EFEMP1: variants seen among roughly 807,000 people sequenced by gnomAD.
EFEMP1 encodes the protein EGF-containing fibulin-like extracellular matrix protein 1.
Under a neutral mutation model 65.7 loss-of-function variants are expected in EFEMP1, and 18 were observed. That is an observed-to-expected ratio of 0.27 (90% CI 0.19 to 0.41). EFEMP1 has a LOEUF of 0.41. Ranked by LOEUF, EFEMP1 falls within the 10% of genes least tolerant of loss-of-function variation. The pLI is 1.00. For synonymous variants in EFEMP1, 237 were observed against 219.7 expected, an observed-to-expected ratio of 1.08 and a Z score of -0.70; for missense variants, 469 against 624.8, an observed-to-expected ratio of 0.75 and a Z score of 2.66.
intron 5 of EFEMP1, among the ~76,000 whole-genome samples, chr2:55,892,820 G>A (rs1278683003): frequency 1.3e-5 from 2 of 151,994 alleles, no homozygotes; most frequent in Non-Finnish European, 2.9e-5. Context: ...GAATTTCTTG[G>A]CATGAATAAA....
In EFEMP1 at chr2:55,918,224, C is replaced by T. The variant is rs775356398; in HGVS notation, c.125G>A (p.Cys42Tyr). Reference sequence around the variant, plus strand: ...AGTCTTTGAAGCTGGCTCACCTTTGCATTGCTGTCTCACAGGATCCCACTC... The same window carrying T: ...AGTCTTTGAAGCTGGCTCACCTTTGTATTGCTGTCTCACAGGATCCCACTC... Reference protein sequence around the residue: ...GYEWDPVRQQCKDIDECDIVP... With the variant: ...GYEWDPVRQQYKDIDECDIVP... Residue 42 changes from cysteine to tyrosine, a missense_variant, in exon 4 of 12, where the codon TGC (cysteine) becomes TAC (tyrosine). Coordinates refer to ENST00000355426, the MANE Select transcript of EFEMP1 (RefSeq NM_001039348.3). 4 of 1,614,208 alleles carry T rather than the reference C, an allele frequency of 2.5e-6. No homozygotes were observed. The highest frequency in any genetic ancestry group is 3.4e-6 in the Non-Finnish European group (4 of 1,180,042).
At chr2:55,920,142 C>T (rs1053710192) in intron 3 of EFEMP1, among the ~76,000 whole-genome samples, 15 of 152,170 alleles carry the variant, frequency 9.9e-5, no homozygotes, top group African/African-American at 3.6e-4. Flanking sequence ...GCTTTCAGCT[C>T]TAGCTTTTGA....
chr2:55,878,325 A>C (rs751866065), intron 6 of EFEMP1, among the ~76,000 whole-genome samples: 3 of 152,180 alleles, frequency 2.0e-5, no homozygotes, highest in Non-Finnish European at 4.4e-5. Flanking sequence ...TAAGATGTGG[A>C]TAGCAAGGCT....
chr2:55,879,405 C>A (rs570884575), intron 6 of EFEMP1, among the ~76,000 whole-genome samples: 3 of 152,182 alleles, frequency 2.0e-5, no homozygotes, highest in Admixed American at 1.3e-4. Flanking sequence ...AATAGCTCCA[C>A]GAGGGCTATG....
intron 5 of EFEMP1, among the ~76,000 whole-genome samples, chr2:55,908,014 A>C (rs1484245965): frequency 3.3e-5 from 5 of 152,100 alleles, no homozygotes; most frequent in Non-Finnish European, 5.9e-5. Context: ...AACAGTTCTC[A>C]ATGGGCTCTC....
Position 55,885,321 on chromosome 2 carries a change from G to A in EFEMP1, c.518-3587C>T, listed in dbSNP as rs900624502. Among the ~76,000 whole-genome samples, 6 of 152,172 alleles carry A rather than the reference G, an allele frequency of 3.9e-5. No homozygotes were observed. Among genetic ancestry groups the A allele is most frequent in the African/African-American group, 9.7e-5 (4 of 41,440 alleles). On this transcript the variant is annotated intron_variant, in intron 5 of 11. Coordinates refer to ENST00000355426, the MANE Select transcript of EFEMP1 (RefSeq NM_001039348.3). This position sits in a 1 kb window ranked among gnomAD's most constrained non-coding sequence, Gnocchi z 4.3. ...GACAGATGGCGTCAGCACAGCTGCCGGGGCTCTGTGTGAGGAGCCTGGTGC... is the reference window on the plus strand; with the variant it reads ...GACAGATGGCGTCAGCACAGCTGCCAGGGCTCTGTGTGAGGAGCCTGGTGC...
In EFEMP1 at chr2:55,923,731, C is replaced by T. The variant is rs1312306542; in HGVS notation, c.-69G>A. 2 of 985,766 alleles carry T rather than the reference C, an allele frequency of 2.0e-6. No individual in the cohort carries two copies. Among genetic ancestry groups the T allele is most frequent in the South Asian group, 9.4e-5 (2 of 21,296 alleles). The allele number at this position is 985,766 out of a possible 1,614,324, so 61.1% of individuals were successfully genotyped here. On this transcript the variant is annotated 5_prime_UTR_variant, in exon 1 of 12. Coordinates refer to ENST00000355426, the MANE Select transcript of EFEMP1 (RefSeq NM_001039348.3). This position sits in a 1 kb window ranked among gnomAD's most constrained non-coding sequence, Gnocchi z 5.3. ...CCTACCTGTGCGGCCGCGCTGCGCT[C>T]CGGGCCCGGGCAGCGAGGGGAGTGC...
intron 3 of EFEMP1, among the ~76,000 whole-genome samples, chr2:55,920,616 G>A (rs915919792): frequency 3.9e-5 from 6 of 152,244 alleles, no homozygotes; most frequent in Admixed American, 1.3e-4. Flanking sequence ...AAATAGAGAA[G>A]ACTTGCAATT....
In EFEMP1 at chr2:55,921,814, C is replaced by G. The variant is rs755513944; in HGVS notation, c.81+546G>C. On this transcript the variant is annotated intron_variant, in intron 3 of 11. Transcript: ENST00000355426. The surrounding 1 kb of genome is among the most constrained non-coding windows in gnomAD (Gnocchi z 4.1). Reference sequence around the variant, plus strand: ...CTTTAGCCAATATGCATCCTGGTAACACATAAACTGTTGTCTGCCTTTATT... The same window carrying G: ...CTTTAGCCAATATGCATCCTGGTAAGACATAAACTGTTGTCTGCCTTTATT... 1 of 163,598 alleles carries G rather than the reference C, an allele frequency of 6.1e-6. No homozygotes were observed. The highest frequency in any genetic ancestry group is 2.4e-5 in the African/African-American group (1 of 41,664). The allele number at this position is 163,598 out of a possible 1,614,324, so 10.1% of individuals were successfully genotyped here. A position where few individuals can be genotyped will look rare whatever the true frequency, so the allele number is the denominator to read the frequency against.
rs1454053238 is a variant in EFEMP1 at position 55,877,860 on chromosome 2, C to T, written c.646G>A (p.Asp216Asn). 1 of 1,612,930 alleles carries T rather than the reference C, an allele frequency of 6.2e-7. No individual in the cohort carries two copies. Among genetic ancestry groups the T allele is most frequent in the South Asian group, 1.1e-5 (1 of 91,064 alleles). Residue 216 changes from aspartate (D) to asparagine (N), a missense_variant, in exon 7 of 12, where the codon GAT (aspartate) becomes AAT (asparagine). Asp to Asn is a conservative substitution (Grantham distance 23). This residue lies in a region of EFEMP1 where 399 missense variants were observed against 528.2 expected (regional missense o/e 0.76). Coordinates refer to ENST00000355426, the MANE Select transcript of EFEMP1 (RefSeq NM_001039348.3). This position sits in a 1 kb window ranked among gnomAD's most constrained non-coding sequence, Gnocchi z 4.5. ...QKRGEQCVDI[D>N]ECTIPPYCHQ... ...CAATATGGAGGGATGGTACATTCAT[C>T]TATGTCTAGGTTATCAGGCACACAC... is the stretch of plus-strand genomic sequence containing the variant.
At chr2:55,876,843 C>A in intron 7 of EFEMP1, 101 bp from the exon 8 acceptor site, 1 of 630,210 alleles carries the variant, frequency 1.6e-6, no homozygotes, top group Non-Finnish European at 2.3e-6. Flanking sequence ...GTACCTACGT[C>A]ATCTGCTGAC....
At chr2:55,881,844 A>G in intron 5 of EFEMP1, 110 bp from the exon 6 acceptor site, 5 of 1,366,996 alleles carry the variant, frequency 3.7e-6, no homozygotes, top group East Asian at 2.3e-5. Context: ...AAAAGTTTAT[A>G]ATGTTCTTGC....
chr2:55,882,800 G>A (rs1201119806), intron 5 of EFEMP1, among the ~76,000 whole-genome samples: 3 of 152,032 alleles, frequency 2.0e-5, no homozygotes, highest in Non-Finnish European at 4.4e-5. Flanking sequence ...CTACCACAGT[G>A]ATGATTTAAG....
At position 55,867,708 on chromosome 2, in the gene EFEMP1, C is replaced by T. The variant is rs1002038343; in HGVS notation, c.1321-474G>A. 7.9e-5 allele frequency among the ~76,000 whole-genome samples: 12 copies of T among 151,748 alleles called. No homozygotes were observed. Among genetic ancestry groups the T allele is most frequent in the African/African-American group, 2.2e-4 (9 of 41,264 alleles). ...AAGATATATGAGGTTATGCAGGGTACGTATGAAGATACATAAAGGTGTATG... is the reference window on the plus strand; with the variant it reads ...AAGATATATGAGGTTATGCAGGGTATGTATGAAGATACATAAAGGTGTATG... On this transcript the variant is annotated intron_variant, in intron 11 of 11. Transcript: ENST00000355426. The surrounding 1 kb of genome is among the most constrained non-coding windows in gnomAD (Gnocchi z 4.3).
At chr2:55,898,179 C>G (rs1669900993) in intron 5 of EFEMP1, among the ~76,000 whole-genome samples, 1 of 152,110 alleles carries the variant, frequency 6.6e-6, no homozygotes, top group Non-Finnish European at 1.5e-5. Context: ...CTATTTAACT[C>G]CAAATTGGTT....
chr2:55,922,231 A>C lies in EFEMP1; in HGVS notation c.81+129T>G. On this transcript the variant is annotated intron_variant, in intron 3 of 11. Coordinates refer to ENST00000355426, the MANE Select transcript of EFEMP1 (RefSeq NM_001039348.3). This position sits in a 1 kb window ranked among gnomAD's most constrained non-coding sequence, Gnocchi z 5.5. ...AACGAATCTTAGATATGAAGCATGAATGAAGTGTTGTTTAATTTATCACCC... is the reference window on the plus strand; with the variant it reads ...AACGAATCTTAGATATGAAGCATGACTGAAGTGTTGTTTAATTTATCACCC... The C allele has an allele frequency of 1.2e-6, 1 of 864,024 alleles. No individual in the cohort carries two copies. Among genetic ancestry groups the C allele is most frequent in the Non-Finnish European group, 1.9e-6 (1 of 521,506 alleles). The allele number at this position is 864,024 out of a possible 1,614,324, so 53.5% of individuals were successfully genotyped here.
chr2:55,892,052 A>C (rs934033024), intron 5 of EFEMP1, among the ~76,000 whole-genome samples: 33 of 152,100 alleles, frequency 2.2e-4, no homozygotes, highest in Non-Finnish European at 1.5e-4. Flanking sequence ...ATAACTCCTG[A>C]ATATTAGCTC....
Position 55,877,728 on chromosome 2 carries a change from A to G in EFEMP1, c.760+18T>C, listed in dbSNP as rs1376358270. On this transcript the variant is annotated intron_variant, in intron 7 of 11. Transcript: ENST00000355426. This position sits in a 1 kb window ranked among gnomAD's most constrained non-coding sequence, Gnocchi z 4.5. ...CCTTTTGTGAAGACAGAAATCAGCAAGTTCTCAAAAGGCTTACCTACGCAG... is the reference window on the plus strand; with the variant it reads ...CCTTTTGTGAAGACAGAAATCAGCAGGTTCTCAAAAGGCTTACCTACGCAG... 2 of 1,612,740 alleles carry G rather than the reference A, an allele frequency of 1.2e-6. No homozygotes were observed. The highest frequency in any genetic ancestry group is 3.3e-5 in the Admixed American group (2 of 59,946).
At position 55,886,143 on chromosome 2, in the gene EFEMP1, A is replaced by G. The variant is rs1572805950; in HGVS notation, c.518-4409T>C. Among the ~76,000 whole-genome samples, 4 of 152,336 alleles carry G rather than the reference A, an allele frequency of 2.6e-5. No individual in the cohort carries two copies. The highest frequency in any genetic ancestry group is 9.6e-5 in the African/African-American group (4 of 41,576). On this transcript the variant is annotated intron_variant, in intron 5 of 11. Coordinates refer to ENST00000355426, the MANE Select transcript of EFEMP1 (RefSeq NM_001039348.3). This position sits in a 1 kb window ranked among gnomAD's most constrained non-coding sequence, Gnocchi z 4.0. ...GTGATGAGAATGCACTAGTAATAGG[A>G]CAAAGAAGACTGAAATTATTTTGAA... is the stretch of plus-strand genomic sequence containing the variant.
Sources: gnomAD v4.1 joint callset for allele counts (sites outside exome capture counted in the v4.1 genomes callset) on GRCh38, gnomAD v4.1.1 for gene constraint, gnomAD v4.1.1 regional missense constraint, Gnocchi (gnomAD v3.1) non-coding constraint, MANE v1.5 for transcripts, NCBI Gene and HGNC (gene_info 2026-07-23, HGNC 2026-07-21) for gene names.